SDCCAG8: variants seen among roughly 807,000 people sequenced by gnomAD.
The protein encoded by SDCCAG8 is SHH signaling and ciliogenesis regulator SDCCAG8, also known as serologically defined colon cancer antigen 8.
A neutral mutation model predicts 101.8 loss-of-function variants in SDCCAG8; 74 were observed. The ratio of observed to expected loss-of-function variants is 0.73; its 90% CI spans 0.60 to 0.88. The LOEUF is 0.88. Among genes scored for constraint, SDCCAG8 ranks in the 40% least tolerant of loss-of-function variants. The pLI is 0.00. For synonymous variants in SDCCAG8, 281 were observed against 292.9 expected, an observed-to-expected ratio of 0.96 and a Z score of 0.41; for missense variants, 787 against 822.6, an observed-to-expected ratio of 0.96 and a Z score of 0.53.
intron 16 of SDCCAG8, among the ~76,000 whole-genome samples, chr1:243,457,381 A>G (rs2083844823): frequency 6.6e-6 from 1 of 152,214 alleles, no homozygotes; most frequent in Non-Finnish European, 1.5e-5. Flanking sequence ...TTCTGTTTAA[A>G]GTGGTCATTC....
chr1:243,484,841 A>T (rs185692551), intron 16 of SDCCAG8, among the ~76,000 whole-genome samples: 4 of 152,124 alleles, frequency 2.6e-5, no homozygotes, highest in African/African-American at 7.2e-5. Context: ...GTCAGGAGTT[A>T]GAGACCAGCC....
At chr1:243,268,904 G>C (rs1044108499) in intron 1 of SDCCAG8, among the ~76,000 whole-genome samples, 11 of 152,234 alleles carry the variant, frequency 7.2e-5, no homozygotes, top group African/African-American at 2.4e-4. Context: ...TGTCAGAGTG[G>C]GGCAGCGGGG....
At position 243,480,342 on chromosome 1, in the gene SDCCAG8, G is replaced by C. The variant is rs1037358425; in HGVS notation, c.1986-8672G>C. Among the ~76,000 whole-genome samples, 22 of 117,450 alleles carry C rather than the reference G, an allele frequency of 1.9e-4. 1 individual carries two copies. The Admixed American group carries it at 1.9e-3, about 10-fold the overall frequency. The allele number at this position is 117,450 out of a possible 152,430, so 77.1% of individuals were successfully genotyped here. A position where few individuals can be genotyped will look rare whatever the true frequency, so the allele number is the denominator to read the frequency against. On this transcript the variant is annotated intron_variant, in intron 16 of 17. Transcript: ENST00000366541. The stretch of plus-strand genomic sequence containing the variant: ...ATGGGTGGGATGGATGGATGGATAG[G>C]TGGGATGGATGGGTGGGTGGGATGG...
chr1:243,473,985 A>G (rs1179628847), intron 16 of SDCCAG8, among the ~76,000 whole-genome samples: 1 of 142,930 alleles, frequency 7.0e-6, no homozygotes, highest in Non-Finnish European at 1.5e-5. Context: ...GCCAGTTTCA[A>G]TTAAGTCACA....
intron 4 of SDCCAG8, among the ~76,000 whole-genome samples, chr1:243,279,935 C>T (rs576731561): frequency 1.7e-4 from 26 of 152,218 alleles, no homozygotes; most frequent in African/African-American, 6.3e-4. Flanking sequence ...TTAGGAAATA[C>T]TTCCTCTTGA....
intron 5 of SDCCAG8, among the ~76,000 whole-genome samples, chr1:243,292,777 C>CT (rs2070399855): frequency 6.6e-6 from 1 of 152,156 alleles, no homozygotes; most frequent in Non-Finnish European, 1.5e-5. Flanking sequence ...GAAAGACAAA[C>CT]TAAGAGAGAG....
chr1:243,488,616 C>T (rs1040758472), intron 16 of SDCCAG8, among the ~76,000 whole-genome samples: 1 of 152,158 alleles, frequency 6.6e-6, no homozygotes, highest in Non-Finnish European at 1.5e-5. Flanking sequence ...TCAGTGTTTC[C>T]ACGGCCCTCA....
At chr1:243,309,546 C>T (rs2072506556) in intron 8 of SDCCAG8, among the ~76,000 whole-genome samples, 1 of 152,162 alleles carries the variant, frequency 6.6e-6, no homozygotes, top group Non-Finnish European at 1.5e-5. Flanking sequence ...ACTCCTTTGC[C>T]AAGGCTGGAA....
At position 243,320,550 on chromosome 1, in the gene SDCCAG8, G is replaced by T. The variant is rs539202887; in HGVS notation, c.1068+3657G>T. On this transcript the variant is annotated intron_variant, in intron 9 of 17. Coordinates refer to ENST00000366541, the MANE Select transcript of SDCCAG8 (RefSeq NM_006642.5). ...TATCGTCAAAGGCAGGAGGGCTTAGGGGGTGAACATGGGCTTACTAGAGTT... is the reference window on the plus strand; with the variant it reads ...TATCGTCAAAGGCAGGAGGGCTTAGTGGGTGAACATGGGCTTACTAGAGTT... Among the ~76,000 whole-genome samples the T allele has an allele frequency of 2.6e-5, 4 of 152,102 alleles. 1 individual carries two copies. Among genetic ancestry groups the T allele is most frequent in the Admixed American group, 6.5e-5 (1 of 15,276 alleles).
intron 16 of SDCCAG8, among the ~76,000 whole-genome samples, chr1:243,452,864 A>C (rs1212288141): frequency 6.6e-6 from 1 of 152,214 alleles, no homozygotes; most frequent in African/African-American, 2.4e-5. Flanking sequence ...GTGCCAGGCA[A>C]GGTTCTAGGT....
At chr1:243,423,858 C>T (rs889712944) in intron 15 of SDCCAG8, among the ~76,000 whole-genome samples, 1 of 152,036 alleles carries the variant, frequency 6.6e-6, no homozygotes, top group Non-Finnish European at 1.5e-5. Context: ...AATTATTCAA[C>T]TTCATGTTTA....
rs535829306 is a variant in SDCCAG8, at chr1:243,461,193, C to T, written c.1986-27821C>T. 3.3e-5 allele frequency among the ~76,000 whole-genome samples: 5 copies of T among 152,246 alleles called. No individual in the cohort carries two copies. The South Asian group carries it at 6.2e-4, about 19-fold the overall frequency. ...TAGCAGAAGTACAGAAGCAGTTCAG[C>T]GCTATTTTGGATAAACATAGCTGAA... On this transcript the variant is annotated intron_variant, in intron 16 of 17. Coordinates refer to ENST00000366541, the MANE Select transcript of SDCCAG8 (RefSeq NM_006642.5).
intron 16 of SDCCAG8, among the ~76,000 whole-genome samples, chr1:243,473,819 A>T (rs886400761): frequency 1.3e-5 from 2 of 150,886 alleles, no homozygotes; most frequent in Non-Finnish European, 2.9e-5. Context: ...ATGAAGCAGT[A>T]CTTACTGAAA....
At chr1:243,488,888 CAG>C in intron 16 of SDCCAG8, 124 bp from the exon 17 acceptor site, 3 of 1,373,884 alleles carry the variant, frequency 2.2e-6, no homozygotes, top group Non-Finnish European at 3.1e-6. Flanking sequence ...CCTGGCACCT[CAG>C]GGTCACCCTA....
Position 243,429,586 on chromosome 1 carries a change from T to C in SDCCAG8, c.1985+3028T>C, listed in dbSNP as rs79767700. ...AATTATTTTTAAGAGAATATCTCAC[T>C]CTGTCGCCCAGGCTGAAGTGTAACC... On this transcript the variant is annotated intron_variant, in intron 16 of 17. Coordinates refer to ENST00000366541, the MANE Select transcript of SDCCAG8 (RefSeq NM_006642.5). Among the ~76,000 whole-genome samples the C allele has an allele frequency of 8.8e-3, 1,345 of 152,152 alleles. 26 individuals carry two copies. Among genetic ancestry groups the C allele is most frequent in the African/African-American group, 0.031 (1,297 of 41,482 alleles).
intron 9 of SDCCAG8, chr1:243,318,566 CTA>C (rs1164263243): frequency 3.6e-5 from 35 of 985,192 alleles, no homozygotes; most frequent in Non-Finnish European, 3.6e-5. Context: ...TCAGCCATTG[CTA>C]TGTCCATTTG....
Position 243,316,767 on chromosome 1 carries a change from C to G in SDCCAG8, c.942C>G (p.Asp314Glu). The part of the protein sequence containing the change: ...TIERLVKERD[D>E]LMSALVSVRS... ...TTTGTGCTGACAGAGAAAGAGATGA[C>G]TTGATGTCTGCACTAGTTTCCGTAA... Residue 314 changes from aspartate (D) to glutamate (E), a missense_variant, in exon 9 of 18, where the codon GAC (aspartate) becomes GAG (glutamate). Coordinates refer to ENST00000366541, the MANE Select transcript of SDCCAG8 (RefSeq NM_006642.5). 8 of 1,614,134 alleles carry G rather than the reference C, an allele frequency of 5.0e-6. No individual in the cohort carries two copies. The highest frequency in any genetic ancestry group is 6.8e-6 in the Non-Finnish European group (8 of 1,180,022).
chr1:243,404,523 T>C (rs2079622751), intron 13 of SDCCAG8, among the ~76,000 whole-genome samples: 1 of 152,252 alleles, frequency 6.6e-6, no homozygotes, highest in African/African-American at 2.4e-5. Flanking sequence ...TTAATTATTG[T>C]ATCAAGAAAA....
At chr1:243,306,233 A>T (rs2072114434) in intron 7 of SDCCAG8, 2 of 152,230 alleles carry the variant, frequency 1.3e-5, no homozygotes, top group East Asian at 3.9e-4. Flanking sequence ...TTTACAAAGA[A>T]ATGTTAACAT....
Sources: gnomAD v4.1 joint callset for allele counts (sites outside exome capture counted in the v4.1 genomes callset) on GRCh38, gnomAD v4.1.1 for gene constraint, MANE v1.5 for transcripts, NCBI Gene and HGNC (gene_info 2026-07-23, HGNC 2026-07-21) for gene names.